CYFIP2: variants seen among roughly 807,000 people sequenced by gnomAD.
CYFIP2 encodes cytoplasmic FMR1-interacting protein 2.
A neutral mutation model predicts 158.7 loss-of-function variants in CYFIP2; 29 were observed. The observed-to-expected ratio is 0.18, with a 90% CI of 0.14 to 0.25. The LOEUF is 0.25. CYFIP2 is among the 10% of genes least tolerant of loss of function. CYFIP2 has a pLI of 1.00. For synonymous variants in CYFIP2, 585 were observed against 617.6 expected (o/e 0.95, Z 0.78); for missense variants, 852 against 1,639.5 (o/e 0.52, Z 8.29).
intron 10 of CYFIP2, among the ~76,000 whole-genome samples, chr5:157,310,537 A>G (rs1759624206): frequency 6.6e-6 from 1 of 152,218 alleles, no homozygotes; most frequent in African/African-American, 2.4e-5. Context: ...CAAGTGTCCA[A>G]AGGAAAGCTC....
chr5:157,306,195 T>C (rs533396798), intron 8 of CYFIP2, among the ~76,000 whole-genome samples: 1 of 152,380 alleles, frequency 6.6e-6, no homozygotes, highest in South Asian at 2.1e-4. Flanking sequence ...GTGTTGGTGC[T>C]CCTGTTTTAC....
chr5:157,286,375 T>TAC (rs1353588881), intron 2 of CYFIP2, among the ~76,000 whole-genome samples: 28 of 149,902 alleles, frequency 1.9e-4, no homozygotes, highest in African/African-American at 6.6e-4. Flanking sequence ...CATATATATA[T>TAC]ACATATATTT....
At chr5:157,382,432 C>T (rs568742925) in intron 26 of CYFIP2, among the ~76,000 whole-genome samples, 158 bp from the exon 27 acceptor site, 7 of 152,274 alleles carry the variant, frequency 4.6e-5, no homozygotes, top group Middle Eastern at 3.4e-3. Flanking sequence ...TAAAAAGACT[C>T]AGAGAAGCTA....
At chr5:157,343,911 G>A (rs1320108771) in intron 23 of CYFIP2, among the ~76,000 whole-genome samples, 1 of 152,060 alleles carries the variant, frequency 6.6e-6, no homozygotes, top group Admixed American at 6.5e-5. Context: ...AACCTCAGAG[G>A]CTCCACCTTT....
chr5:157,335,699 T>G (rs986425954), intron 21 of CYFIP2, among the ~76,000 whole-genome samples: 1 of 152,200 alleles, frequency 6.6e-6, no homozygotes, highest in Admixed American at 6.5e-5. Flanking sequence ...CAGGAGACTG[T>G]AGTACAGCAC....
At chr5:157,372,769 C>G (rs1765109752) in intron 26 of CYFIP2, among the ~76,000 whole-genome samples, 2 of 152,144 alleles carry the variant, frequency 1.3e-5, no homozygotes, top group Non-Finnish European at 2.9e-5. Flanking sequence ...CAAATGAAGC[C>G]AGGGAAGCTG....
In CYFIP2 at chr5:157,294,869, G is replaced by C; in HGVS notation, c.285+9G>C. Reference sequence around the variant, plus strand: ...CCCGGGCCATTCCCCAGGTGAGACTGTCCTTGTTGTGTGTCTCTTTCCCCT... The same window carrying C: ...CCCGGGCCATTCCCCAGGTGAGACTCTCCTTGTTGTGTGTCTCTTTCCCCT... On this transcript the variant is annotated intron_variant, in intron 4 of 30. Coordinates refer to ENST00000620254, the MANE Select transcript of CYFIP2 (RefSeq NM_001037333.3). 6.2e-7 allele frequency: 1 copy of C among 1,610,816 alleles called. No individual in the cohort carries two copies. Among genetic ancestry groups the C allele is most frequent in the Admixed American group, 1.7e-5 (1 of 59,948 alleles).
At position 157,314,445 on chromosome 5, in the gene CYFIP2, C is replaced by T. The variant is rs559404174; in HGVS notation, c.1212C>T (p.Ser404=). 200 of 1,613,686 alleles carry T rather than the reference C, an allele frequency of 1.2e-4. 3 individuals are homozygous for T. The East Asian group carries it at 3.8e-3, about 31-fold the overall frequency. ...GTCTGCAGCTTCTATCCAAGTGGAG[C>T]GCCCACGTCATGGAGGTGGTAGGTG... ...LRGLQLLSKW[S]AHVMEVYSWK... The change falls in exon 12 of 31, where the codon AGC becomes AGT. Residue 404 remains serine, a synonymous_variant. Coordinates refer to ENST00000620254, the MANE Select transcript of CYFIP2 (RefSeq NM_001037333.3).
chr5:157,316,255 A>G (rs993103909), intron 13 of CYFIP2, among the ~76,000 whole-genome samples: 3 of 152,248 alleles, frequency 2.0e-5, no homozygotes, highest in African/African-American at 7.2e-5. Flanking sequence ...GCATATACAC[A>G]TAAATGTGGA....
Position 157,395,079 on chromosome 5 carries a change from C to CTCT in CYFIP2, c.*2080_*2082dup, listed in dbSNP as rs1391446241. On this transcript the variant is annotated 3_prime_UTR_variant, in exon 31 of 31. Transcript: ENST00000620254. ...AGATTTCTATTTCAATAACCCACCT[C>CTCT]TCTCACCCCACATTCATATCCCTAA... is the stretch of plus-strand genomic sequence containing the variant. The CTCT allele has an allele frequency of 6.4e-6, 1 of 157,386 alleles. No individual in the cohort carries two copies. The highest frequency in any genetic ancestry group is 2.4e-5 in the African/African-American group (1 of 41,482). The allele number at this position is 157,386 out of a possible 1,614,324, so 9.7% of individuals were successfully genotyped here. A position where few individuals can be genotyped will look rare whatever the true frequency, so the allele number is the denominator to read the frequency against.
At chr5:157,385,353 A>G (rs931963742) in intron 28 of CYFIP2, among the ~76,000 whole-genome samples, 10 of 152,262 alleles carry the variant, frequency 6.6e-5, no homozygotes, top group Non-Finnish European at 1.5e-4. Context: ...TCCTCAAGAA[A>G]TAGTCCAAAA....
At position 157,330,819 on chromosome 5, in the gene CYFIP2, A is replaced by G; in HGVS notation, c.2234A>G (p.Tyr745Cys). 1 of 1,614,018 alleles carries G rather than the reference A, an allele frequency of 6.2e-7. No homozygotes were observed. Among genetic ancestry groups the G allele is most frequent in the Non-Finnish European group, 8.5e-7 (1 of 1,179,890 alleles). Reference protein sequence around the residue: ...VIIPYPPSNRYETLLKQRHVQ... With the variant: ...VIIPYPPSNRCETLLKQRHVQ... ...ATTCCGTATCCACCGTCCAATCGCT[A>G]TGAAACACTGCTGAAGCAGAGACAC... Residue 745 changes from tyrosine to cysteine, a missense_variant, in exon 20 of 31, where the codon TAT becomes TGT. Physicochemically the swap from Tyr to Cys is radical, Grantham distance 194. Around this residue, in one of 8 missense-constraint regions of CYFIP2, gnomAD observed 191 missense variants for 311.2 expected, o/e 0.61. Transcript: ENST00000620254.
At chr5:157,381,547 AGG>A (rs59737652) in intron 26 of CYFIP2, among the ~76,000 whole-genome samples, 3 of 149,246 alleles carry the variant, frequency 2.0e-5, no homozygotes, top group African/African-American at 2.5e-5. Context: ...AAAAAAAAAA[AGG>A]GGTGAGGGGG....
chr5:157,378,117 G>T (rs1765668851), intron 26 of CYFIP2, among the ~76,000 whole-genome samples: 1 of 152,190 alleles, frequency 6.6e-6, no homozygotes, highest in Non-Finnish European at 1.5e-5. Context: ...GGGTAAGAGG[G>T]TCAGGGAAGA....
chr5:157,372,417 ATTCC>A (rs1028093113), intron 26 of CYFIP2, among the ~76,000 whole-genome samples: 1 of 152,194 alleles, frequency 6.6e-6, no homozygotes, highest in Non-Finnish European at 1.5e-5. Flanking sequence ...GATATTCATT[ATTCC>A]TTCAAATATT....
intron 15 of CYFIP2, among the ~76,000 whole-genome samples, chr5:157,321,123 G>C (rs1760559485): frequency 6.6e-6 from 1 of 152,192 alleles, no homozygotes; most frequent in African/African-American, 2.4e-5. Flanking sequence ...CTATCTTCTA[G>C]TCCTATGAAG....
intron 28 of CYFIP2, among the ~76,000 whole-genome samples, chr5:157,388,884 A>G (rs1045310645): frequency 1.3e-5 from 2 of 152,258 alleles, no homozygotes; most frequent in African/African-American, 2.4e-5. Context: ...CAGTAGTACT[A>G]CTAGTAGTAT....
At chr5:157,296,298 T>A (rs1252786229) in intron 4 of CYFIP2, among the ~76,000 whole-genome samples, 1 of 152,052 alleles carries the variant, frequency 6.6e-6, no homozygotes, top group African/African-American at 2.4e-5. Context: ...AGGGCCCTAT[T>A]AATAAGACAG....
At chr5:157,372,467 A>G (rs1269742043) in intron 26 of CYFIP2, among the ~76,000 whole-genome samples, 2 of 152,212 alleles carry the variant, frequency 1.3e-5, no homozygotes, top group Non-Finnish European at 2.9e-5. Flanking sequence ...ATGAAGTTGA[A>G]GCGGGGGACA....
Sources: allele counts gnomAD v4.1 joint callset (sites outside exome capture counted in the v4.1 genomes callset), GRCh38; gene constraint gnomAD v4.1.1; regional missense constraint gnomAD v4.1.1; transcripts MANE v1.5; gene names NCBI Gene and HGNC (gene_info 2026-07-23, HGNC 2026-07-21).